DCAF6: variants seen among roughly 807,000 people sequenced by gnomAD.
DCAF6 encodes DDB1- and CUL4-associated factor 6.
DCAF6 carries 54 observed loss-of-function variants against 125.1 expected under a neutral mutation model. The observed-to-expected ratio is 0.43, with a 90% CI of 0.35 to 0.54. The LOEUF (loss-of-function observed/expected upper bound fraction) is 0.54. Ranked by LOEUF, DCAF6 falls within the 20% of genes least tolerant of loss-of-function variation. DCAF6 has a pLI of 0.01. For missense variants in DCAF6, 934 were observed against 1,161.7 expected (o/e 0.80, Z 2.85); for synonymous variants, 371 against 390.4 (o/e 0.95, Z 0.58).
chr1:167,969,202 A>G (rs1189031772), intron 3 of DCAF6: 1 of 152,132 alleles, frequency 6.6e-6, no homozygotes, highest in African/African-American at 2.4e-5. Context: ...CTATTAATTT[A>G]GGTTATATAG....
the DCAF6 span, among the ~76,000 whole-genome samples, chr1:167,863,732 T>G: frequency 2.0e-5 from 3 of 152,228 alleles, no homozygotes; most frequent in Non-Finnish European, 4.4e-5. Context: ...TTTGCCCCGG[T>G]GGGACACCTC....
rs548293813 is a variant in DCAF6, at chr1:168,062,941, T to A, written c.2301-680T>A. On this transcript the variant is annotated intron_variant, in intron 17 of 21. Transcript: ENST00000367840. The stretch of plus-strand genomic sequence containing the variant: ...TTTTTTTTTTTTTTGAGACAGAGTC[T>A]CGCTCTGTCACCCAGGCTGGAGTGC... Among the ~76,000 whole-genome samples, 28 of 149,782 alleles carry A rather than the reference T, an allele frequency of 1.9e-4. No individual in the cohort carries two copies. The South Asian group carries it at 5.7e-3, about 31-fold the overall frequency.
At chr1:168,012,681 T>G (rs1684465519) in intron 10 of DCAF6, among the ~76,000 whole-genome samples, 1 of 152,234 alleles carries the variant, frequency 6.6e-6, no homozygotes, top group Non-Finnish European at 1.5e-5. Context: ...AATACTTGCT[T>G]TTCCTAGTTA....
At chr1:167,906,808 A>AT in the DCAF6 span, among the ~76,000 whole-genome samples, 27 of 152,074 alleles carry the variant, frequency 1.8e-4, no homozygotes, top group Non-Finnish European at 1.5e-4. Context: ...AATAATGATA[A>AT]TAAAAAGAAA....
At chr1:168,043,209 C>G in intron 14 of DCAF6, 69 bp downstream of exon 14, 1 of 1,127,230 alleles carries the variant, frequency 8.9e-7, no homozygotes, top group South Asian at 1.3e-5. Flanking sequence ...TTCCTGTTCC[C>G]TTCGATGCTG....
intron 13 of DCAF6, among the ~76,000 whole-genome samples, chr1:168,042,059 A>G (rs1424344896): frequency 6.6e-6 from 1 of 151,984 alleles, no homozygotes; most frequent in Non-Finnish European, 1.5e-5. Flanking sequence ...TTAGTTAAAT[A>G]ATATTATATA....
chr1:168,024,742 TAC>T (rs1036371784), intron 12 of DCAF6, among the ~76,000 whole-genome samples: 2 of 149,658 alleles, frequency 1.3e-5, no homozygotes, highest in Non-Finnish European at 3.0e-5. Context: ...AGGCGGAGGT[TAC>T]AGTGAGCCGA....
chr1:167,930,855 C>A (rs1200615775), upstream of DCAF6, among the ~76,000 whole-genome samples: 1 of 152,236 alleles, frequency 6.6e-6, no homozygotes, highest in Non-Finnish European at 1.5e-5. Flanking sequence ...TCTCCTTTAG[C>A]ACATCTGCAT....
chr1:167,957,932 A>G (rs1424017043), intron 2 of DCAF6, among the ~76,000 whole-genome samples: 1 of 152,134 alleles, frequency 6.6e-6, no homozygotes, highest in East Asian at 1.9e-4. Context: ...TGAGTCATTT[A>G]CATACCTTCT....
At chr1:167,883,368 C>A in the DCAF6 span, 2 of 1,545,664 alleles carry the variant, frequency 1.3e-6, no homozygotes, top group Non-Finnish European at 1.8e-6. Context: ...TCTATTCTCA[C>A]CAATGTGCTT....
At chr1:168,011,382 C>T (rs1460776263) in intron 10 of DCAF6, among the ~76,000 whole-genome samples, 4 of 152,116 alleles carry the variant, frequency 2.6e-5, no homozygotes, top group African/African-American at 9.7e-5. Flanking sequence ...TCCCAAAATG[C>T]TGGGATTACA....
chr1:168,024,072 CTGGGTGTGGTGGTG>C (rs1686011122), intron 12 of DCAF6: 9 of 151,560 alleles, frequency 5.9e-5, no homozygotes. Context: ...AATTAATTAG[CTGGGTGTGGTGGTG>C]CATGCCTGTA....
intron 11 of DCAF6, among the ~76,000 whole-genome samples, chr1:168,018,563 A>C (rs979051563): frequency 6.6e-6 from 1 of 152,214 alleles, no homozygotes; most frequent in Non-Finnish European, 1.5e-5. Context: ...GCTTTAAAAG[A>C]ATTTTTGACA....
At chr1:167,879,324 A>C in the DCAF6 span, among the ~76,000 whole-genome samples, 1 of 152,220 alleles carries the variant, frequency 6.6e-6, no homozygotes. Flanking sequence ...TTTCAACAGC[A>C]GCTGGCTGCT....
intron 10 of DCAF6, among the ~76,000 whole-genome samples, chr1:168,007,474 C>T (rs919200774): frequency 2.0e-5 from 3 of 152,014 alleles, no homozygotes; most frequent in African/African-American, 4.8e-5. Context: ...TATTTATTAA[C>T]CAACCCCCAT....
intron 10 of DCAF6, among the ~76,000 whole-genome samples, chr1:168,009,542 C>G (rs1274717776): frequency 6.8e-6 from 1 of 147,406 alleles, no homozygotes; most frequent in African/African-American, 2.5e-5. Flanking sequence ...TTCTTTCCTT[C>G]TCCTCTTTCT....
chr1:168,043,667 T>C (rs937990023), intron 14 of DCAF6, among the ~76,000 whole-genome samples: 2 of 152,190 alleles, frequency 1.3e-5, no homozygotes, highest in Non-Finnish European at 2.9e-5. Flanking sequence ...CAATAAATGC[T>C]TGATTAATGA....
Position 168,043,077 on chromosome 1 carries a change from G to T in DCAF6, c.1780G>T (p.Gly594Cys). 6.2e-7 allele frequency: 1 copy of T among 1,612,726 alleles called. No individual in the cohort carries two copies. The highest frequency in any genetic ancestry group is 8.5e-7 in the Non-Finnish European group (1 of 1,179,320). The part of the protein sequence containing the change: ...RGIGSHCKSE[G>C]QEESFVPQSS... ...AATTGGGAGCCATTGCAAATCTGAG[G>T]GTCAGGAGGAATCTTTCGTCCCACA... The change falls in exon 14 of 22, where the codon GGT becomes TGT. Residue 594 changes from glycine (G) to cysteine (C), a missense_variant. Gly to Cys is a radical substitution (Grantham distance 159). Transcript: ENST00000367840.
intron 4 of DCAF6, among the ~76,000 whole-genome samples, chr1:167,979,322 A>G (rs749834996): frequency 6.6e-6 from 1 of 152,172 alleles, no homozygotes; most frequent in Non-Finnish European, 1.5e-5. Context: ...TTTAATTAGC[A>G]TAGAATTTTT....
Sources: allele counts gnomAD v4.1 joint callset (sites outside exome capture counted in the v4.1 genomes callset), GRCh38; gene constraint gnomAD v4.1.1; transcripts MANE v1.5; gene names NCBI Gene and HGNC (gene_info 2026-07-23, HGNC 2026-07-21).